Variants in CFAP20DC observed in about 807,000 individuals in gnomAD.
CFAP20DC encodes CFAP20 domain containing, also known as protein CFAP20DC.
Under a neutral mutation model 101.7 loss-of-function variants are expected in CFAP20DC, and 84 were observed. The observed-to-expected ratio is 0.83, with a 90% CI of 0.69 to 0.99. The LOEUF is 0.99. Among genes scored for constraint, CFAP20DC ranks in the 50% least tolerant of loss-of-function variants. The pLI is 0.00. For missense variants in CFAP20DC, 1,007 were observed against 970.3 expected (o/e 1.04, Z -0.50); for synonymous variants, 359 against 351.2 (o/e 1.02, Z -0.25).
intron 4 of CFAP20DC, among the ~76,000 whole-genome samples, chr3:59,016,796 T>C (rs1260670788): frequency 6.6e-6 from 1 of 152,144 alleles, no homozygotes; most frequent in Non-Finnish European, 1.5e-5. Flanking sequence ...GTTGCCAATG[T>C]TGCTCATGCA....
intron 15 of CFAP20DC, among the ~76,000 whole-genome samples, chr3:58,790,321 A>C (rs2072740393): frequency 6.6e-6 from 1 of 151,650 alleles, no homozygotes; most frequent in South Asian, 2.1e-4. Context: ...TGGACCGGAG[A>C]CAGGGAAATA....
rs2080041949 is a variant in CFAP20DC at position 58,870,275 on chromosome 3, C to G, written c.750G>C (p.Arg250=). 6.2e-7 allele frequency: 1 copy of G among 1,613,982 alleles called. No homozygotes were observed. The highest frequency in any genetic ancestry group is 1.3e-5 in the African/African-American group (1 of 75,018). The part of the protein sequence containing the change: ...QFINRGTSIT[R]NSKNQDVCHI... ...GACAAACATCTTGATTTTTACTGTT[C>G]CGTGTAATACTTGTTCCTCTGTTAA... is the stretch of plus-strand genomic sequence containing the variant. The change falls in exon 8 of 17, where the codon CGG becomes CGC. Residue 250 remains arginine (R), a synonymous_variant. Coordinates refer to ENST00000482387, the MANE Select transcript of CFAP20DC (RefSeq NM_001394063.1).
At chr3:58,932,803 C>T (rs2086903595) in intron 5 of CFAP20DC, among the ~76,000 whole-genome samples, 1 of 152,188 alleles carries the variant, frequency 6.6e-6, no homozygotes, top group Non-Finnish European at 1.5e-5. Context: ...CAACCAGTAC[C>T]AGCAACTGCA....
At chr3:58,885,643 C>A (rs900252325) in intron 6 of CFAP20DC, among the ~76,000 whole-genome samples, 2 of 150,112 alleles carry the variant, frequency 1.3e-5, no homozygotes, top group African/African-American at 4.9e-5. Flanking sequence ...ATCTAGTATC[C>A]TCTGTACTTC....
intron 4 of CFAP20DC, among the ~76,000 whole-genome samples, chr3:59,028,994 C>G (rs1424953524): frequency 6.6e-6 from 1 of 152,182 alleles, no homozygotes; most frequent in African/African-American, 2.4e-5. Context: ...AGCCTATAAT[C>G]TTAGTTCCCC....
intron 4 of CFAP20DC, among the ~76,000 whole-genome samples, chr3:59,019,256 G>A (rs896931524): frequency 3.3e-5 from 5 of 151,908 alleles, no homozygotes; most frequent in African/African-American, 7.3e-5. Context: ...GAATAAATTC[G>A]TTATTCTGGT....
At chr3:58,958,182 G>A (rs932006973) in intron 4 of CFAP20DC, among the ~76,000 whole-genome samples, 1 of 151,938 alleles carries the variant, frequency 6.6e-6, no homozygotes, top group African/African-American at 2.4e-5. Context: ...ATGCTTGTTT[G>A]CAGACCACCT....
Position 58,798,504 on chromosome 3 carries a change from A to T in CFAP20DC, c.2237+7891T>A, listed in dbSNP as rs2073423300. ...AGAAAGTGGTTTCTTGAAATGAATC[A>T]ACTCCTGGTGAAGATGATGTAAACA... On this transcript the variant is annotated intron_variant, in intron 15 of 16. Coordinates refer to ENST00000482387, the MANE Select transcript of CFAP20DC (RefSeq NM_001394063.1). Among the ~76,000 whole-genome samples the T allele has an allele frequency of 2.0e-5, 3 of 152,236 alleles. No homozygotes were observed. In the South Asian group the frequency reaches 6.2e-4, roughly 32 times the overall value.
rs562988739 is a variant in CFAP20DC, at chr3:59,001,459, C to T, written c.278+38098G>A. On this transcript the variant is annotated intron_variant, in intron 4 of 16. Transcript: ENST00000482387. This position sits in a 1 kb window ranked among gnomAD's most constrained non-coding sequence, Gnocchi z 4.5. Reference sequence around the variant, plus strand: ...CACACTTATTGTCCAGGCTGGAGTGCAATGGCTCAATCTCAGCCTCGATCT... The same window carrying T: ...CACACTTATTGTCCAGGCTGGAGTGTAATGGCTCAATCTCAGCCTCGATCT... 6.6e-6 allele frequency among the ~76,000 whole-genome samples: 1 copy of T among 152,268 alleles called. No individual in the cohort carries two copies. The highest frequency in any genetic ancestry group is 2.4e-5 in the African/African-American group (1 of 41,554).
intron 13 of CFAP20DC, among the ~76,000 whole-genome samples, chr3:58,837,633 C>A (rs906075271): frequency 1.3e-5 from 2 of 152,134 alleles, no homozygotes; most frequent in African/African-American, 4.8e-5. Context: ...ACTTGTGAAT[C>A]ACTGGAAAAC....
intron 4 of CFAP20DC, among the ~76,000 whole-genome samples, chr3:58,972,449 C>T (rs934926060): frequency 3.3e-5 from 5 of 152,140 alleles, no homozygotes; most frequent in East Asian, 1.9e-4. Flanking sequence ...TGAAGAAAAA[C>T]ACCAAGAAAT....
chr3:58,879,304 A>ATG (rs1559755950), intron 7 of CFAP20DC, among the ~76,000 whole-genome samples: 1 of 152,158 alleles, frequency 6.6e-6, no homozygotes, highest in Non-Finnish European at 1.5e-5. Flanking sequence ...GTACCCCATA[A>ATG]ATTTGTACAA....
At chr3:58,889,759 C>T (rs545808752) in intron 6 of CFAP20DC, among the ~76,000 whole-genome samples, 2,756 of 135,522 alleles carry the variant, frequency 0.02, 41 homozygotes, top group Middle Eastern at 0.059. Flanking sequence ...TGACTCTTAA[C>T]GAGCATGCTG....
chr3:58,947,261 T>C (rs2089489032), intron 4 of CFAP20DC, among the ~76,000 whole-genome samples: 2 of 152,242 alleles, frequency 1.3e-5, no homozygotes, highest in Non-Finnish European at 2.9e-5. Context: ...CAAAACTCCC[T>C]GTAAACATGA....
At chr3:58,783,340 G>A (rs2072014749) in intron 15 of CFAP20DC, among the ~76,000 whole-genome samples, 1 of 151,682 alleles carries the variant, frequency 6.6e-6, no homozygotes, top group Admixed American at 6.6e-5. Flanking sequence ...GAAAAAAACA[G>A]GAAAAACACC....
At position 58,863,638 on chromosome 3, in the gene CFAP20DC, C is replaced by T. The variant is rs140879098; in HGVS notation, c.1513G>A (p.Asp505Asn). The T allele has an allele frequency of 1.9e-6, 3 of 1,613,990 alleles. No homozygotes were observed. In the South Asian group the frequency reaches 3.3e-5, roughly 18 times the overall value. Residue 505 changes from aspartate (D) to asparagine (N), a missense_variant, in exon 12 of 17, where the codon GAT becomes AAT. Asp to Asn is a conservative substitution (Grantham distance 23). Coordinates refer to ENST00000482387, the MANE Select transcript of CFAP20DC (RefSeq NM_001394063.1). The surrounding 1 kb of genome is among the most constrained non-coding windows in gnomAD (Gnocchi z 5.9). ...MSPEELSFIL[D>N]LKEDNSVTSR... Reference sequence around the variant, plus strand: ...GTCACACTGTTATCCTCTTTTAGATCCAAAATAAATGAGAGCTCCTCTGGG... The same window carrying T: ...GTCACACTGTTATCCTCTTTTAGATTCAAAATAAATGAGAGCTCCTCTGGG...
At chr3:58,891,424 G>A (rs1213996978) in intron 6 of CFAP20DC, among the ~76,000 whole-genome samples, 1 of 2,102 alleles carries the variant, frequency 4.8e-4, no homozygotes, top group African/African-American at 9.6e-4. Flanking sequence ...GAGACCGTGG[G>A]GAGAGGGAGA....
At position 58,721,629 on chromosome 3, in the gene CFAP20DC, G is replaced by A. The variant is rs1264499679; in HGVS notation, c.198-4001C>T. Reference sequence around the variant, plus strand: ...AACCCTAAAGAGCAGTGTGGCTGGGGAGAGAAGAGCCATGTGGTCCAGACA... The same window carrying A: ...AACCCTAAAGAGCAGTGTGGCTGGGAAGAGAAGAGCCATGTGGTCCAGACA... On this transcript the variant is annotated intron_variant, in intron 3 of 3. Transcript: ENST00000486145. The surrounding 1 kb of genome is among the most constrained non-coding windows in gnomAD (Gnocchi z 5.2). 6.6e-6 allele frequency among the ~76,000 whole-genome samples: 1 copy of A among 152,202 alleles called. No individual in the cohort carries two copies. The highest frequency in any genetic ancestry group is 1.5e-5 in the Non-Finnish European group (1 of 68,044).
intron 14 of CFAP20DC, among the ~76,000 whole-genome samples, chr3:58,820,665 C>T (rs1305936094): frequency 4.6e-5 from 7 of 151,754 alleles, no homozygotes; most frequent in African/African-American, 1.5e-4. Context: ...AATGGAAGAA[C>T]ATTCCATGCT....
Sources: allele counts gnomAD v4.1 joint callset (sites outside exome capture counted in the v4.1 genomes callset), GRCh38; gene constraint gnomAD v4.1.1; non-coding constraint Gnocchi (gnomAD v3.1); transcripts MANE v1.5; gene names NCBI Gene and HGNC (gene_info 2026-07-23, HGNC 2026-07-21).